The following TIGD4 variants were observed in gnomAD, a reference collection of about 807,000 sequenced individuals.
TIGD4 encodes the protein tigger transposable element-derived protein 4.
In TIGD4, 20 loss-of-function variants were observed where a neutral mutation model predicts 24.9. The ratio of observed to expected loss-of-function variants is 0.80; its 90% confidence interval spans 0.56 to 1.17. The LOEUF (loss-of-function observed/expected upper bound fraction) is 1.17. Ranked by LOEUF, TIGD4 falls within the 50% of genes most tolerant of loss-of-function variation. TIGD4 has a pLI of 0.00. For synonymous variants in TIGD4, 193 were observed against 211.0 expected (o/e 0.91, Z 0.74); for missense variants, 566 against 591.0 (o/e 0.96, Z 0.44).
At position 152,769,446 on chromosome 4, in the gene TIGD4, T is replaced by A; in HGVS notation, c.*20A>T. ...AATGTATCAGGAAAAGCTATTACTCTTTAGATGTACAATACATAGTTACTT... is the reference window on the plus strand; with the variant it reads ...AATGTATCAGGAAAAGCTATTACTCATTAGATGTACAATACATAGTTACTT... On this transcript the variant is annotated 3_prime_UTR_variant, in exon 2 of 2. Transcript: ENST00000304337. 1 of 1,443,354 alleles carries A rather than the reference T, an allele frequency of 6.9e-7. No individual in the cohort carries two copies. The highest frequency in any genetic ancestry group is 9.3e-7 in the Non-Finnish European group (1 of 1,073,466). 89.4% of individuals were successfully genotyped at this position (1,443,354 alleles called of 1,614,324 possible).
intron 1 of TIGD4, among the ~76,000 whole-genome samples, chr4:152,779,089 G>C (rs1175044514): frequency 6.6e-6 from 1 of 152,170 alleles, no homozygotes; most frequent in African/African-American, 2.4e-5. Flanking sequence ...CTGGGGATGG[G>C]GAGAGTAGTG....
Position 152,770,164 on chromosome 4 carries a change from G to A in TIGD4, c.841C>T (p.Arg281Ter), listed in dbSNP as rs34696355. ...GACTCAACAAAAATCACCACTCTTCGTTGCTGGGCTTGAAATTCCTCATCA... is the reference window on the plus strand; with the variant it reads ...GACTCAACAAAAATCACCACTCTTCATTGCTGGGCTTGAAATTCCTCATCA... ...KLDEEFQAQQRRVVIFVESFP... is the reference protein window; with the variant it reads ...KLDEEFQAQQ Residue 281 changes from arginine (R) to a stop codon, truncating the protein, a stop_gained, in exon 2 of 2, where the codon CGA (arginine) becomes TGA (stop). Coordinates refer to ENST00000304337, the MANE Select transcript of TIGD4 (RefSeq NM_145720.4). LOFTEE classifies it high-confidence loss of function. The A allele has an allele frequency of 3.4e-3, 5,542 of 1,614,042 alleles. 16 individuals are homozygous for A. Among genetic ancestry groups the A allele is most frequent in the Non-Finnish European group, 4.1e-3 (4,780 of 1,179,954 alleles).
rs150766976 is a variant in TIGD4 at position 152,778,939 on chromosome 4, C to A, written c.-539+543G>T. Among the ~76,000 whole-genome samples the A allele has an allele frequency of 5.9e-5, 9 of 152,274 alleles. No homozygotes were observed. The East Asian group carries it at 1.7e-3, about 29-fold the overall frequency. ...CAAGTGAAATGGGAGTAAAAATGAG[C>A]ATTCAAAGCTGTCAAAGGAAAAGCA... On this transcript the variant is annotated intron_variant, in intron 1 of 1. Transcript: ENST00000304337.
chr4:152,770,022 A>T lies in TIGD4; in HGVS notation c.983T>A (p.Ile328Asn). 1 of 1,611,382 alleles carries T rather than the reference A, an allele frequency of 6.2e-7. No individual in the cohort carries two copies. The highest frequency in any genetic ancestry group is 8.5e-7 in the Non-Finnish European group (1 of 1,178,238). The change falls in exon 2 of 2, where the codon ATC (isoleucine) becomes AAC (asparagine). Residue 328 changes from isoleucine to asparagine, a missense_variant. Transcript: ENST00000304337. ...CTTGATAAGACAGTGTCGATATTTG[A>T]TTTTAAGGCTTTTAATAACACCTTG... Reference protein sequence around the residue: ...MKQGVIKSLKIKYRHCLIKKF... With the variant: ...MKQGVIKSLKNKYRHCLIKKF...
intron 1 of TIGD4, among the ~76,000 whole-genome samples, chr4:152,772,645 T>G (rs531032708): frequency 2.6e-5 from 4 of 152,164 alleles, no homozygotes; most frequent in Admixed American, 1.3e-4. Context: ...TTTGGAAAAC[T>G]ATAAAATCCT....
Position 152,770,286 on chromosome 4 carries a change from T to C in TIGD4, c.719A>G (p.His240Arg), listed in dbSNP as rs1486592651. ...LLVIGKKRTP[H>R]CFKGLKSLPV... ...CAATGATTTTAAACCTTTGAAACAA[T>C]GTGGAGTTCTCTTTTTTCCAATGAC... is the stretch of plus-strand genomic sequence containing the variant. Residue 240 changes from histidine (H) to arginine (R), a missense_variant, in exon 2 of 2, where the codon CAT becomes CGT. Coordinates refer to ENST00000304337, the MANE Select transcript of TIGD4 (RefSeq NM_145720.4). 1 of 1,614,010 alleles carries C rather than the reference T, an allele frequency of 6.2e-7. No homozygotes were observed. The highest frequency in any genetic ancestry group is 1.3e-5 in the African/African-American group (1 of 75,052).
rs1487426915 is a variant in TIGD4 at position 152,771,071 on chromosome 4, TG to T, written c.-68del. The stretch of plus-strand genomic sequence containing the variant: ...TGGTGACTGTTTCTTTAATTAAATT[TG>T]TTTTCCAGTATAATATAGATTGCTG... On this transcript the variant is annotated 5_prime_UTR_variant, in exon 2 of 2. Transcript: ENST00000304337. The T allele has an allele frequency of 4.4e-5, 67 of 1,509,186 alleles. No individual in the cohort carries two copies. Among genetic ancestry groups the T allele is most frequent in the Non-Finnish European group, 5.8e-5 (66 of 1,134,054 alleles). The allele number at this position is 1,509,186 out of a possible 1,614,324, so 93.5% of individuals were successfully genotyped here.
At position 152,769,775 on chromosome 4, in the gene TIGD4, T is replaced by A. The variant is rs1339416139; in HGVS notation, c.1230A>T (p.Glu410Asp). The change falls in exon 2 of 2, where the codon GAA (glutamate) becomes GAT (aspartate). Residue 410 changes from glutamate (E) to aspartate (D), a missense_variant. Physicochemically the swap from Glu to Asp is conservative, Grantham distance 45 (BLOSUM62 2). Coordinates refer to ENST00000304337, the MANE Select transcript of TIGD4 (RefSeq NM_145720.4). ...CTTCTATAGATAAACCTTCAGGAAA[T>A]TCTACTCCTGCCCCCAGAGCATCAG... ...LVADALGAGVEFPEGLSIEEY... is the reference protein window; with the variant it reads ...LVADALGAGVDFPEGLSIEEY... 6.2e-7 allele frequency: 1 copy of A among 1,613,586 alleles called. No individual in the cohort carries two copies. The highest frequency in any genetic ancestry group is 8.5e-7 in the Non-Finnish European group (1 of 1,179,942).
At chr4:152,773,388 C>T (rs1295957754) in intron 1 of TIGD4, among the ~76,000 whole-genome samples, 3 of 151,822 alleles carry the variant, frequency 2.0e-5, no homozygotes, top group Middle Eastern at 6.8e-3. Flanking sequence ...TAATGATAGC[C>T]CAGGGTTTTA....
chr4:152,771,640 AAAT>A (rs1330955572), intron 1 of TIGD4, 98 bp from the exon 2 acceptor site: 1 of 152,624 alleles, frequency 6.6e-6, no homozygotes, highest in African/African-American at 2.4e-5. Flanking sequence ...TTAATAATGA[AAAT>A]AATAGAAGCA....
intron 1 of TIGD4, among the ~76,000 whole-genome samples, chr4:152,771,898 A>G (rs576175658): frequency 6.6e-6 from 1 of 152,334 alleles, no homozygotes; most frequent in Admixed American, 6.5e-5. Flanking sequence ...ATGAGGTCAC[A>G]GACTGCACCC....
Position 152,770,849 on chromosome 4 carries a change from T to C in TIGD4, c.156A>G (p.Ser52=). 1.2e-6 allele frequency: 2 copies of C among 1,613,660 alleles called. No homozygotes were observed. Among genetic ancestry groups the C allele is most frequent in the African/African-American group, 1.3e-5 (1 of 75,046 alleles). The stretch of plus-strand genomic sequence containing the variant: ...CTTTATTCTTCATAATAGAAGACAA[T>C]GAATTTTTCTTTATTCCATATTCAG... The part of the protein sequence containing the change: ...IAAEYGIKKN[S]LSSIMKNKDK... The change falls in exon 2 of 2, where the codon TCA becomes TCG. Residue 52 remains serine, a synonymous_variant. Coordinates refer to ENST00000304337, the MANE Select transcript of TIGD4 (RefSeq NM_145720.4).
At chr4:152,776,263 A>C (rs1730258134) in intron 1 of TIGD4, among the ~76,000 whole-genome samples, 1 of 152,210 alleles carries the variant, frequency 6.6e-6, no homozygotes, top group Non-Finnish European at 1.5e-5. Flanking sequence ...CATAGATATA[A>C]AGAAAAAAAA....
chr4:152,775,460 C>G (rs1730244832), intron 1 of TIGD4, among the ~76,000 whole-genome samples: 1 of 152,120 alleles, frequency 6.6e-6, no homozygotes, highest in South Asian at 2.1e-4. Context: ...TCTGGAGGCT[C>G]TGGGGAAGAA....
intron 1 of TIGD4, among the ~76,000 whole-genome samples, chr4:152,775,805 A>G (rs561049577): frequency 2.7e-4 from 41 of 152,328 alleles, no homozygotes; most frequent in Non-Finnish European, 4.4e-4. Context: ...AACCTTAATT[A>G]TATCTCCAAA....
At chr4:152,776,869 C>CA (rs1730268985) in intron 1 of TIGD4, among the ~76,000 whole-genome samples, 1 of 151,918 alleles carries the variant, frequency 6.6e-6, no homozygotes, top group African/African-American at 2.4e-5. Flanking sequence ...CTGTAAGATC[C>CA]AAAAACAGGG....
In TIGD4 at chr4:152,779,590, G is replaced by C. The variant is rs1015099727; in HGVS notation, c.-647C>G. ...TCCCGGCACCAGCTCACGGTCTGTT[G>C]GGGGGGTCCTCCTAACGTGTGAGGC... On this transcript the variant is annotated 5_prime_UTR_variant, in exon 1 of 2. Transcript: ENST00000304337. 2.0e-5 allele frequency: 3 copies of C among 149,276 alleles called. No homozygotes were observed. The highest frequency in any genetic ancestry group is 2.0e-4 in the Admixed American group (3 of 15,128). 9.2% of individuals were successfully genotyped at this position (149,276 alleles called of 1,614,324 possible).
chr4:152,776,026 T>C (rs1301140907), intron 1 of TIGD4, among the ~76,000 whole-genome samples: 1 of 152,152 alleles, frequency 6.6e-6, no homozygotes. Flanking sequence ...AATATCTACA[T>C]GCTGAAATAC....
At chr4:152,776,624 T>C (rs868151148) in intron 1 of TIGD4, among the ~76,000 whole-genome samples, 6 of 152,308 alleles carry the variant, frequency 3.9e-5, no homozygotes, top group Middle Eastern at 6.8e-3. Context: ...TATATCCACT[T>C]AATCCTACTT....
Sources: gnomAD v4.1 joint callset for allele counts (sites outside exome capture counted in the v4.1 genomes callset) on GRCh38, gnomAD v4.1.1 for gene constraint, MANE v1.5 for transcripts, NCBI Gene and HGNC (gene_info 2026-07-23, HGNC 2026-07-21) for gene names.